The following MPP4 variants were observed in gnomAD, a reference collection of about 807,000 sequenced individuals.
The protein encoded by MPP4 is MAGUK p55 scaffold protein 4.
In MPP4, 91 loss-of-function variants were observed where a neutral mutation model predicts 98.3. The ratio of observed to expected loss-of-function variants is 0.93; its 90% CI spans 0.78 to 1.10. MPP4 has a LOEUF of 1.10. Ranked by LOEUF, MPP4 falls within the 50% of genes least tolerant of loss-of-function variation. MPP4 has a pLI of 0.00. For synonymous variants in MPP4, 261 were observed against 271.8 expected (o/e 0.96, Z 0.39); for missense variants, 744 against 792.9 (o/e 0.94, Z 0.74).
chr2:201,666,596 C>T (rs1688182648), intron 12 of MPP4: 1 of 361,458 alleles, frequency 2.8e-6, no homozygotes, highest in African/African-American at 2.1e-5. Flanking sequence ...GTAGCACATG[C>T]CTATATAATC....
At chr2:201,652,994 C>G (rs1252531969) in intron 18 of MPP4, among the ~76,000 whole-genome samples, 1 of 152,208 alleles carries the variant, frequency 6.6e-6, no homozygotes, top group Non-Finnish European at 1.5e-5. Context: ...CACAAGGCCT[C>G]TCAAGTCCAT....
rs1687522182 is a variant in MPP4 at position 201,644,958 on chromosome 2, A to AT, written c.*251dup. The AT allele has an allele frequency of 3.3e-6, 1 of 307,362 alleles. No individual in the cohort carries two copies. Among genetic ancestry groups the AT allele is most frequent in the Non-Finnish European group, 5.8e-6 (1 of 171,280 alleles). 19.0% of individuals were successfully genotyped at this position (307,362 alleles called of 1,614,324 possible). On this transcript the variant is annotated 3_prime_UTR_variant, in exon 22 of 22. Transcript: ENST00000409474. ...CATGTGAAATCTGCGAAAGGTTCTCATACTCAGTGACTTAACATTATTCAT... is the reference window on the plus strand; with the variant it reads ...CATGTGAAATCTGCGAAAGGTTCTCATTACTCAGTGACTTAACATTATTCAT...
intron 10 of MPP4, among the ~76,000 whole-genome samples, chr2:201,677,966 G>A (rs528003139): frequency 2.6e-5 from 4 of 152,142 alleles, no homozygotes; most frequent in Non-Finnish European, 5.9e-5. Context: ...CCTCCAATGT[G>A]CCTCCTGGTT....
chr2:201,677,659 C>T (rs999548617), intron 10 of MPP4, among the ~76,000 whole-genome samples: 2 of 152,192 alleles, frequency 1.3e-5, no homozygotes, highest in African/African-American at 4.8e-5. Context: ...TTACCCTGAG[C>T]ACCTGAGGCG....
chr2:201,676,914 T>G (rs139364147), intron 10 of MPP4, among the ~76,000 whole-genome samples: 1 of 152,142 alleles, frequency 6.6e-6, no homozygotes, highest in East Asian at 1.9e-4. Flanking sequence ...ATAAAAACAT[T>G]TAAAAAGTAA....
intron 1 of MPP4, among the ~76,000 whole-genome samples, chr2:201,694,678 T>C (rs190571717): frequency 7.6e-5 from 10 of 131,700 alleles, no homozygotes; most frequent in Admixed American, 4.6e-4. Flanking sequence ...TGTGGTGGCA[T>C]GATCATGGCT....
intron 20 of MPP4, among the ~76,000 whole-genome samples, chr2:201,649,286 A>T (rs1048818127): frequency 1.3e-5 from 2 of 152,168 alleles, no homozygotes; most frequent in African/African-American, 4.8e-5. Context: ...ACTCCACAAG[A>T]AGTTACTCTG....
Position 201,658,509 on chromosome 2 carries a change from T to A in MPP4, c.1097A>T (p.Glu366Val). ...ESEELSEDKEEFVGYGQKFFI... is the reference protein window; with the variant it reads ...ESEELSEDKEVFVGYGQKFFI... Reference sequence around the variant, plus strand: ...GAACTTCTGACCGTAGCCAACAAACTCCTCCTTGTCTGAAACACAAAGAAC... The same window carrying A: ...GAACTTCTGACCGTAGCCAACAAACACCTCCTTGTCTGAAACACAAAGAAC... Residue 366 changes from glutamate (E) to valine (V), a missense_variant, in exon 16 of 22, where the codon GAG (glutamate) becomes GTG (valine). By Grantham distance (121) the Glu-to-Val change is moderately radical. Coordinates refer to ENST00000409474, the MANE Select transcript of MPP4 (RefSeq NM_033066.3). 1 of 1,612,902 alleles carries A rather than the reference T, an allele frequency of 6.2e-7. No homozygotes were observed. Among genetic ancestry groups the A allele is most frequent in the South Asian group, 1.1e-5 (1 of 90,756 alleles).
intron 10 of MPP4, among the ~76,000 whole-genome samples, chr2:201,675,650 CTAT>C (rs1688488300): frequency 6.6e-6 from 1 of 152,210 alleles, no homozygotes. Flanking sequence ...CCCTCTCAGG[CTAT>C]TAGAGGCTCT....
In MPP4 at chr2:201,685,919, C is replaced by T; in HGVS notation, c.492G>A (p.Leu164=). Residue 164 remains leucine, a splice_region_variant and synonymous_variant, in exon 6 of 22, where the codon CTG becomes CTA. Coordinates refer to ENST00000409474, the MANE Select transcript of MPP4 (RefSeq NM_033066.3). ...GAAAGATAAAAAATGATTTCCTTACCAGGGGCTGTTGGTTTTTCACTAAAC... is the reference window on the plus strand; with the variant it reads ...GAAAGATAAAAAATGATTTCCTTACTAGGGGCTGTTGGTTTTTCACTAAAC... ...IVCLVKNQQP[L]GATIKRHEMT... The T allele has an allele frequency of 1.9e-6, 3 of 1,610,450 alleles. No individual in the cohort carries two copies. Among genetic ancestry groups the T allele is most frequent in the Non-Finnish European group, 2.5e-6 (3 of 1,177,244 alleles).
In MPP4 at chr2:201,687,359, A is replaced by G. The variant is rs1173336822; in HGVS notation, c.292T>C (p.Leu98=). ...QVLSYEVVEL[L]RETPTSPEIQ... The stretch of plus-strand genomic sequence containing the variant: ...TCAGGGGAAGTAGGGGTTTCACGTA[A>G]TAACTCCACTACCTGGTTCATGGAA... The change falls in exon 5 of 22, where the codon TTA becomes CTA. Residue 98 remains leucine, a synonymous_variant. Coordinates refer to ENST00000409474, the MANE Select transcript of MPP4 (RefSeq NM_033066.3). 5.7e-6 allele frequency: 9 copies of G among 1,578,218 alleles called. No homozygotes were observed. The highest frequency in any genetic ancestry group is 1.2e-5 in the South Asian group (1 of 85,898).
rs147747915 is a variant in MPP4, at chr2:201,678,001, C to T, written c.930-2730G>A. Among the ~76,000 whole-genome samples the T allele has an allele frequency of 1.3e-3, 200 of 152,260 alleles. 2 individuals carry two copies. Among genetic ancestry groups the T allele is most frequent in the Admixed American group, 3.3e-3 (51 of 15,296 alleles). On this transcript the variant is annotated intron_variant, in intron 10 of 21. Coordinates refer to ENST00000409474, the MANE Select transcript of MPP4 (RefSeq NM_033066.3). ...TTTCTGAATGAGATTCAGGAGAGTC[C>T]GAGGTGCCTTCCATTATTCTGTCCC... is the stretch of plus-strand genomic sequence containing the variant.
intron 16 of MPP4, among the ~76,000 whole-genome samples, chr2:201,658,145 T>C (rs943200540): frequency 2.6e-5 from 4 of 152,066 alleles, no homozygotes; most frequent in Admixed American, 1.3e-4. Flanking sequence ...TGACAGATGA[T>C]AGAAATGTGG....
chr2:201,652,491 C>T (rs1487139720), intron 18 of MPP4, among the ~76,000 whole-genome samples: 1 of 152,092 alleles, frequency 6.6e-6, no homozygotes, highest in Non-Finnish European at 1.5e-5. Context: ...AAAACACTAG[C>T]GGTTTCCATG....
At chr2:201,661,497 G>A (rs559782077) in intron 14 of MPP4, 2 of 456,534 alleles carry the variant, frequency 4.4e-6, no homozygotes, top group South Asian at 1.5e-5. Context: ...ATGCTTGAGA[G>A]TTCTCACTTT....
rs75408533 is a variant in MPP4 at position 201,654,745 on chromosome 2, T to A, written c.1381+92A>T. The stretch of plus-strand genomic sequence containing the variant: ...GAACTATCCCTGGTGTTGTATACTT[T>A]TACAACAAAGATGGAATGACATAGT... On this transcript the variant is annotated intron_variant, in intron 18 of 21. Coordinates refer to ENST00000409474, the MANE Select transcript of MPP4 (RefSeq NM_033066.3). 0.014 allele frequency: 12,120 copies of A among 839,968 alleles called. 738 individuals are homozygous for A. In the East Asian group the frequency reaches 0.18, roughly 13 times the overall value. The allele number at this position is 839,968 out of a possible 1,614,324, so 52.0% of individuals were successfully genotyped here. A position where few individuals can be genotyped will look rare whatever the true frequency, so the allele number is the denominator to read the frequency against.
intron 14 of MPP4, among the ~76,000 whole-genome samples, chr2:201,662,833 G>A (rs1195406584): frequency 2.0e-5 from 3 of 152,076 alleles, no homozygotes; most frequent in African/African-American, 7.2e-5. Context: ...GAGAAAATGA[G>A]GAAAAATAAT....
At chr2:201,674,233 G>T (rs970747253) in intron 11 of MPP4, among the ~76,000 whole-genome samples, 1 of 152,226 alleles carries the variant, frequency 6.6e-6, no homozygotes, top group African/African-American at 2.4e-5. Context: ...TGCCAGTCAG[G>T]TATAATGCAC....
intron 4 of MPP4, among the ~76,000 whole-genome samples, chr2:201,688,067 T>G (rs768994453): frequency 3.9e-5 from 6 of 152,306 alleles, no homozygotes; most frequent in South Asian, 2.1e-4. Flanking sequence ...AATAAAATAT[T>G]ATATATGTGC....
Sources: allele counts gnomAD v4.1 joint callset (sites outside exome capture counted in the v4.1 genomes callset), GRCh38; gene constraint gnomAD v4.1.1; transcripts MANE v1.5; gene names NCBI Gene and HGNC (gene_info 2026-07-23, HGNC 2026-07-21).